The following ATF7 variants were observed in gnomAD, a reference collection of about 807,000 sequenced individuals.
The protein encoded by ATF7 is cyclic AMP-dependent transcription factor ATF-7.
In ATF7, 10 loss-of-function variants were observed where a neutral mutation model predicts 50.4. The observed-to-expected ratio is 0.20, with a 90% confidence interval of 0.12 to 0.34. The LOEUF (loss-of-function observed/expected upper bound fraction) is 0.34, where lower values mean the gene tolerates loss of function less well. Ranked by LOEUF, ATF7 falls within the 10% of genes least tolerant of loss-of-function variation. The pLI is 1.00. For missense variants in ATF7, 465 were observed against 613.9 expected (o/e 0.76, Z 2.56); for synonymous variants, 201 against 226.4 (o/e 0.89, Z 1.01).
chr12:53,525,046 T>C, intron 9 of ATF7: 1 of 332,252 alleles, frequency 3.0e-6, no homozygotes, highest in South Asian at 5.6e-5. Flanking sequence ...CACGGTTACT[T>C]TTTGTTTCTT....
rs529188723 is a variant in ATF7 at position 53,585,998 on chromosome 12, C to CA, written c.48+14954dup. Among the ~76,000 whole-genome samples the CA allele has an allele frequency of 9.8e-5, 15 of 152,346 alleles. No homozygotes were observed. The South Asian group carries it at 3.1e-3, about 32-fold the overall frequency. The stretch of plus-strand genomic sequence containing the variant: ...CCAAGAGCAGCTATGTATGTGAATA[C>CA]AATCTCCTCATCTGGGCAGTCAAAT... On this transcript the variant is annotated intron_variant, in intron 2 of 11. Coordinates refer to ENST00000420353, the MANE Select transcript of ATF7 (RefSeq NM_006856.3).
At chr12:53,577,401 A>G (rs760954500) in intron 2 of ATF7, among the ~76,000 whole-genome samples, 5 of 151,892 alleles carry the variant, frequency 3.3e-5, no homozygotes, top group Admixed American at 2.0e-4. Flanking sequence ...AAGGTATAAT[A>G]TGTGCATAAT....
intron 1 of ATF7, among the ~76,000 whole-genome samples, chr12:53,623,099 C>T (rs566652667): frequency 1.3e-5 from 2 of 152,258 alleles, no homozygotes; most frequent in South Asian, 4.1e-4. Context: ...ATTGTGGCTT[C>T]AGATAACAGA....
Position 53,532,611 on chromosome 12 carries a change from C to T in ATF7, c.673G>A (p.Val225Met), listed in dbSNP as rs1367224951. ...CCAGGAATGTTGGGCACCATGGACA[C>T]AGGTCTGGCCAGCTGGATCGAGAGA... ...MPSVISLARP[V>M]SMVPNIPGIP... The change falls in exon 8 of 12, where the codon GTG becomes ATG. Residue 225 changes from valine (V) to methionine (M), a missense_variant. Physicochemically the swap from Val to Met is conservative, Grantham distance 21 (BLOSUM62 1). Coordinates refer to ENST00000420353, the MANE Select transcript of ATF7 (RefSeq NM_006856.3). 2.5e-6 allele frequency: 4 copies of T among 1,598,778 alleles called. No individual in the cohort carries two copies. The highest frequency in any genetic ancestry group is 3.4e-6 in the Non-Finnish European group (4 of 1,172,716).
At chr12:53,508,079 T>A (rs1944053305), downstream of ATF7, 1 of 151,584 alleles carries the variant, frequency 6.6e-6, no homozygotes, top group African/African-American at 2.4e-5. Flanking sequence ...AGAATTTAAC[T>A]TTTTTTCTTT....
chr12:53,612,293 C>T (rs974795086), intron 1 of ATF7, among the ~76,000 whole-genome samples: 3 of 137,772 alleles, frequency 2.2e-5, no homozygotes, highest in African/African-American at 8.2e-5. Flanking sequence ...TTTTCTTTTT[C>T]TTTTCTTTTT....
At chr12:53,590,256 A>G (rs935552729) in intron 2 of ATF7, among the ~76,000 whole-genome samples, 1 of 152,198 alleles carries the variant, frequency 6.6e-6, no homozygotes, top group African/African-American at 2.4e-5. Flanking sequence ...AAACCAATTC[A>G]TACTAAAGTG....
intron 2 of ATF7, among the ~76,000 whole-genome samples, chr12:53,580,066 G>C (rs569253002): frequency 6.6e-6 from 1 of 151,976 alleles, no homozygotes; most frequent in Non-Finnish European, 1.5e-5. Flanking sequence ...GAGTAGTTGA[G>C]ACTACAAGCG....
intron 5 of ATF7, among the ~76,000 whole-genome samples, chr12:53,536,034 A>G (rs1939200470): frequency 6.6e-6 from 1 of 150,806 alleles, no homozygotes; most frequent in Non-Finnish European, 1.5e-5. Flanking sequence ...AAAAAAAAAA[A>G]AGATGACTTG....
chr12:53,618,849 C>T (rs1448185150), intron 1 of ATF7, among the ~76,000 whole-genome samples: 4 of 151,802 alleles, frequency 2.6e-5, no homozygotes, highest in Non-Finnish European at 5.9e-5. Context: ...CTCAGGCGTT[C>T]GAGACCACCC....
intron 1 of ATF7, among the ~76,000 whole-genome samples, chr12:53,604,253 G>A (rs1383785274): frequency 6.6e-6 from 1 of 152,124 alleles, no homozygotes. Context: ...CAGGTACTCA[G>A]TCACCAGAAT....
At chr12:53,591,909 A>G (rs1283949225) in intron 2 of ATF7, among the ~76,000 whole-genome samples, 1 of 152,226 alleles carries the variant, frequency 6.6e-6, no homozygotes, top group Admixed American at 6.5e-5. Context: ...TTCCCCGCAC[A>G]GCCACTCAAG....
chr12:53,604,985 A>C (rs757156132), intron 1 of ATF7, among the ~76,000 whole-genome samples: 4 of 152,204 alleles, frequency 2.6e-5, no homozygotes, highest in African/African-American at 9.7e-5. Context: ...AATTAGTCAG[A>C]GGTTGATCAG....
At chr12:53,526,155 C>A (rs1592784860) in intron 9 of ATF7, among the ~76,000 whole-genome samples, 1 of 149,880 alleles carries the variant, frequency 6.7e-6, no homozygotes, top group Admixed American at 6.7e-5. Context: ...GTGCAGTGAG[C>A]TGAGATTGAG....
intron 2 of ATF7, among the ~76,000 whole-genome samples, chr12:53,567,718 T>C (rs1334674009): frequency 6.6e-6 from 1 of 152,244 alleles, no homozygotes; most frequent in Non-Finnish European, 1.5e-5. Flanking sequence ...AGCTCTTGCC[T>C]AATGGTAGAC....
rs951859012 is a variant in ATF7 at position 53,514,261 on chromosome 12, G to C, written c.*2876C>G. On this transcript the variant is annotated 3_prime_UTR_variant, in exon 12 of 12. Coordinates refer to ENST00000420353, the MANE Select transcript of ATF7 (RefSeq NM_006856.3). The stretch of plus-strand genomic sequence containing the variant: ...TTGTGTATCGAGCACTCACATTGGA[G>C]TGGGGTGGGAAGCCTGAGTCCTGTA... The C allele has an allele frequency of 6.6e-6, 1 of 152,150 alleles. No individual in the cohort carries two copies. The highest frequency in any genetic ancestry group is 1.5e-5 in the Non-Finnish European group (1 of 68,046). The allele number at this position is 152,150 out of a possible 1,614,324, so 9.4% of individuals were successfully genotyped here.
intron 2 of ATF7, among the ~76,000 whole-genome samples, chr12:53,565,880 C>T (rs955692746): frequency 6.6e-6 from 1 of 152,088 alleles, no homozygotes; most frequent in Non-Finnish European, 1.5e-5. Context: ...TAACGACATA[C>T]CCAAGACTGG....
rs1321573991 is a variant in ATF7 at position 53,514,039 on chromosome 12, C to T, written c.*3098G>A. On this transcript the variant is annotated 3_prime_UTR_variant, in exon 12 of 12. Coordinates refer to ENST00000420353, the MANE Select transcript of ATF7 (RefSeq NM_006856.3). ...GGAAGTCAGATTTGAGATGCATAAC[C>T]AGCAGCAAAAGAGTAAGTAAAGGGG... is the stretch of plus-strand genomic sequence containing the variant. The T allele has an allele frequency of 6.6e-6, 1 of 152,178 alleles. No individual in the cohort carries two copies. Among genetic ancestry groups the T allele is most frequent in the Non-Finnish European group, 1.5e-5 (1 of 68,056 alleles). 9.4% of individuals were successfully genotyped at this position (152,178 alleles called of 1,614,324 possible).
chr12:53,600,928 A>C (rs1458943010), intron 2 of ATF7, 25 bp downstream of exon 2: 1 of 1,610,764 alleles, frequency 6.2e-7, no homozygotes, highest in East Asian at 2.2e-5. Flanking sequence ...CGAGACATTC[A>C]CAATAAAGTA....
Sources: allele counts gnomAD v4.1 joint callset (sites outside exome capture counted in the v4.1 genomes callset), GRCh38; gene constraint gnomAD v4.1.1; transcripts MANE v1.5; gene names NCBI Gene and HGNC (gene_info 2026-07-23, HGNC 2026-07-21).